HIPK2: variants seen among roughly 807,000 people sequenced by gnomAD.
HIPK2 encodes the protein homeodomain interacting protein kinase 2.
In HIPK2, 27 loss-of-function variants were observed where a neutral mutation model predicts 113.7. That is an observed-to-expected ratio of 0.24 (90% CI 0.17 to 0.33). The LOEUF (loss-of-function observed/expected upper bound fraction) is 0.33. Ranked by LOEUF, HIPK2 falls within the 10% of genes least tolerant of loss-of-function variation. The pLI, the probability that HIPK2 is intolerant of heterozygous loss-of-function variation, is 1.00. For missense variants in HIPK2, 1,257 were observed against 1,588.0 expected (o/e 0.79, Z 3.54); for synonymous variants, 631 against 642.2 (o/e 0.98, Z 0.26).
At chr7:139,675,477 C>G (rs943501593) in intron 2 of HIPK2, among the ~76,000 whole-genome samples, 1 of 152,152 alleles carries the variant, frequency 6.6e-6, no homozygotes, top group African/African-American at 2.4e-5. Context: ...GCCAGTGACT[C>G]TCATCTTATT....
At chr7:139,639,507 C>T (rs545928707) in intron 2 of HIPK2, among the ~76,000 whole-genome samples, 1 of 152,260 alleles carries the variant, frequency 6.6e-6, no homozygotes, top group South Asian at 2.1e-4. Context: ...CACCGTCTAG[C>T]CAAGGTAGCA....
At chr7:139,660,986 C>A (rs575588399) in intron 2 of HIPK2, among the ~76,000 whole-genome samples, 1 of 142,094 alleles carries the variant, frequency 7.0e-6, no homozygotes, top group African/African-American at 2.6e-5. Context: ...CAGAGACTCC[C>A]GGCCTCTAAA....
At chr7:139,649,586 G>C (rs1291083320) in intron 2 of HIPK2, among the ~76,000 whole-genome samples, 1 of 151,976 alleles carries the variant, frequency 6.6e-6, no homozygotes, top group Non-Finnish European at 1.5e-5. Flanking sequence ...AGAATTCGGG[G>C]GGGTGGTTTG....
rs2116893787 is a variant in HIPK2 at position 139,631,059 on chromosome 7, T to C, written c.1347+106A>G. 7.1e-7 allele frequency: 1 copy of C among 1,412,946 alleles called. No homozygotes were observed. Among genetic ancestry groups the C allele is most frequent in the East Asian group, 2.5e-5 (1 of 39,980 alleles). 87.5% of individuals were successfully genotyped at this position (1,412,946 alleles called of 1,614,324 possible). ...CATGTATTAACAACAGCACCCCCAG[T>C]GCCCTCATTTTGCTGACTGAATCAA... On this transcript the variant is annotated intron_variant, in intron 4 of 14. Transcript: ENST00000406875. This position sits in a 1 kb window ranked among gnomAD's most constrained non-coding sequence, Gnocchi z 4.9.
chr7:139,638,985 G>A (rs1038111513), intron 2 of HIPK2, among the ~76,000 whole-genome samples: 2 of 152,116 alleles, frequency 1.3e-5, no homozygotes, highest in Non-Finnish European at 2.9e-5. Context: ...ACACAAATAC[G>A]TTTGCATATC....
At chr7:139,748,524 G>A (rs932423864) in intron 1 of HIPK2, among the ~76,000 whole-genome samples, 9 of 151,968 alleles carry the variant, frequency 5.9e-5, no homozygotes, top group Non-Finnish European at 1.3e-4. Flanking sequence ...GGTGGGCGCT[G>A]GCAATCTTTG....
At chr7:139,697,389 G>A (rs954502246) in intron 2 of HIPK2, among the ~76,000 whole-genome samples, 1,524 of 152,168 alleles carry the variant, frequency 0.01, 90 homozygotes, top group Admixed American at 0.089. Flanking sequence ...AATCATCTTC[G>A]CAAATCTGCT....
In HIPK2 at chr7:139,583,922, C is replaced by T; in HGVS notation, c.2860G>A (p.Gly954Arg). 6.2e-7 allele frequency: 1 copy of T among 1,614,026 alleles called. No homozygotes were observed. Among genetic ancestry groups the T allele is most frequent in the South Asian group, 1.1e-5 (1 of 91,086 alleles). ...CCCGTGCAGTGATTCTCCAGGCTCC[C>T]CTTGGTGTCAAAGGCATTGGCATTG... ...HNNANAFDTK[G>R]SLENHCTGNP... is the part of the protein sequence containing the mutation. Residue 954 changes from glycine (G) to arginine (R), a missense_variant, in exon 13 of 15, where the codon GGG (glycine) becomes AGG (arginine). Coordinates refer to ENST00000406875, the MANE Select transcript of HIPK2 (RefSeq NM_022740.5).
At chr7:139,726,637 T>A (rs750766032) in intron 1 of HIPK2, among the ~76,000 whole-genome samples, 8 of 152,168 alleles carry the variant, frequency 5.3e-5, no homozygotes, top group Non-Finnish European at 7.3e-5. Context: ...GAGCTAATGG[T>A]CTTTCCTAAC....
At chr7:139,604,309 G>GT in intron 9 of HIPK2, 86 bp from the exon 10 acceptor site, 1 of 1,524,710 alleles carries the variant, frequency 6.6e-7, no homozygotes, top group Non-Finnish European at 8.8e-7. Context: ...TGTGCCTGGG[G>GT]TTGTGCTAGA....
Position 139,572,120 on chromosome 7 carries a change from G to GA in HIPK2, c.*806dup, listed in dbSNP as rs902878066. The stretch of plus-strand genomic sequence containing the variant: ...AAAGAGAAAATACATTTTCAGAAAA[G>GA]AAAAAAACCTAAAGTTTGCAACACA... On this transcript the variant is annotated 3_prime_UTR_variant, in exon 15 of 15. Transcript: ENST00000406875. 1 of 152,176 alleles carries GA rather than the reference G, an allele frequency of 6.6e-6. No individual in the cohort carries two copies. The highest frequency in any genetic ancestry group is 2.4e-5 in the African/African-American group (1 of 41,454). 9.4% of individuals were successfully genotyped at this position (152,176 alleles called of 1,614,324 possible). A position where few individuals can be genotyped will look rare whatever the true frequency, so the allele number is the denominator to read the frequency against.
In HIPK2 at chr7:139,571,184, A is replaced by C. The variant is rs1399494904; in HGVS notation, c.*1743T>G. On this transcript the variant is annotated 3_prime_UTR_variant, in exon 15 of 15. Transcript: ENST00000406875. ...CCTGGGTAATGTGAGGAGAGAATTCAACAGCAAACAGAGGTTGGTGGTTGT... is the reference window on the plus strand; with the variant it reads ...CCTGGGTAATGTGAGGAGAGAATTCCACAGCAAACAGAGGTTGGTGGTTGT... 2 of 152,334 alleles carry C rather than the reference A, an allele frequency of 1.3e-5. No homozygotes were observed. Among genetic ancestry groups the C allele is most frequent in the Non-Finnish European group, 2.9e-5 (2 of 68,102 alleles). The allele number at this position is 152,334 out of a possible 1,614,324, so 9.4% of individuals were successfully genotyped here. A position where few individuals can be genotyped will look rare whatever the true frequency, so the allele number is the denominator to read the frequency against.
At chr7:139,606,608 TTGGTGTACA>T (rs1464297426) in intron 9 of HIPK2, among the ~76,000 whole-genome samples, 3 of 152,182 alleles carry the variant, frequency 2.0e-5, no homozygotes, top group African/African-American at 7.2e-5. Context: ...TCCCAGATCC[TTGGTGTACA>T]TGCTTATACC....
At chr7:139,623,202 A>G (rs1399203627) in intron 6 of HIPK2, among the ~76,000 whole-genome samples, 2 of 152,130 alleles carry the variant, frequency 1.3e-5, no homozygotes, top group African/African-American at 4.8e-5. Context: ...GCTGACCCCT[A>G]TGGCACTCAG....
intron 2 of HIPK2, among the ~76,000 whole-genome samples, chr7:139,663,969 T>C (rs1301952433): frequency 1.3e-5 from 2 of 152,142 alleles, no homozygotes; most frequent in Admixed American, 1.3e-4. Flanking sequence ...TGACCAGGGA[T>C]CAAACCCCAG....
At chr7:139,666,149 A>T (rs370000552) in intron 2 of HIPK2, among the ~76,000 whole-genome samples, 6 of 152,186 alleles carry the variant, frequency 3.9e-5, no homozygotes, top group African/African-American at 1.4e-4. Flanking sequence ...GGAGACTGCC[A>T]TTGTCAAAAT....
intron 1 of HIPK2, among the ~76,000 whole-genome samples, chr7:139,773,818 G>C (rs1411199301): frequency 6.6e-6 from 1 of 152,208 alleles, no homozygotes; most frequent in Non-Finnish European, 1.5e-5. Flanking sequence ...CCCTTGCCCA[G>C]CCTGCTGCCT....
Position 139,600,483 on chromosome 7 carries a change from A to T in HIPK2, c.2369T>A (p.Val790Glu). ...GGTGCTGGTTGGCTGCTGCCGCATC[A>T]CGTGGGCCACACCCACATTTAAGGG... is the stretch of plus-strand genomic sequence containing the variant. ...AQPLNVGVAH[V>E]MRQQPTSTTS... The change falls in exon 11 of 15, where the codon GTG becomes GAG. Residue 790 changes from valine to glutamate, a missense_variant. Around this residue, in one of 5 missense-constraint regions of HIPK2, gnomAD observed 862 missense variants for 1,004.3 expected, o/e 0.86. Transcript: ENST00000406875. 6.2e-7 allele frequency: 1 copy of T among 1,614,028 alleles called. No individual in the cohort carries two copies.
At chr7:139,704,310 C>G (rs1163676415) in intron 2 of HIPK2, among the ~76,000 whole-genome samples, 4 of 142,206 alleles carry the variant, frequency 2.8e-5, no homozygotes, top group East Asian at 4.4e-4. Flanking sequence ...ACATACACCC[C>G]CTCCACACCC....
Sources: gnomAD v4.1 joint callset for allele counts (sites outside exome capture counted in the v4.1 genomes callset) on GRCh38, gnomAD v4.1.1 for gene constraint, gnomAD v4.1.1 regional missense constraint, Gnocchi (gnomAD v3.1) non-coding constraint, MANE v1.5 for transcripts, NCBI Gene and HGNC (gene_info 2026-07-23, HGNC 2026-07-21) for gene names.